TSHZ2: variants seen among roughly 807,000 people sequenced by gnomAD.
The protein encoded by TSHZ2 is teashirt homolog 2.
Under a neutral mutation model 74.4 loss-of-function variants are expected in TSHZ2, and 21 were observed. The observed-to-expected ratio is 0.28, with a 90% CI of 0.20 to 0.41. TSHZ2 has a LOEUF of 0.41. Among genes scored for constraint, TSHZ2 ranks in the 10% least tolerant of loss-of-function variants. The pLI is 1.00. For missense variants in TSHZ2, 1,244 were observed against 1,293.5 expected (o/e 0.96, Z 0.59); for synonymous variants, 540 against 515.3 (o/e 1.05, Z -0.65).
In TSHZ2 at chr20:53,151,261, C is replaced by T. The variant is rs141715766; in HGVS notation, c.41-102238C>T. On this transcript the variant is annotated intron_variant, in intron 1 of 2. Coordinates refer to ENST00000371497, the MANE Select transcript of TSHZ2 (RefSeq NM_173485.6). ...GTCCTATTATACTGGTGCCTATTCG[C>T]TGAGATGGATCAAGAATGGACTAAG... 6.6e-5 allele frequency among the ~76,000 whole-genome samples: 10 copies of T among 152,292 alleles called. No individual in the cohort carries two copies. The East Asian group carries it at 1.9e-3, about 29-fold the overall frequency.
chr20:53,120,179 T>C (rs1986771499), intron 1 of TSHZ2, among the ~76,000 whole-genome samples: 1 of 152,156 alleles, frequency 6.6e-6, no homozygotes, highest in Admixed American at 6.5e-5. Flanking sequence ...GGAATGAGCA[T>C]GAATATGAAT....
intron 1 of TSHZ2, among the ~76,000 whole-genome samples, chr20:53,141,182 G>A (rs1203361266): frequency 6.6e-6 from 1 of 152,196 alleles, no homozygotes; most frequent in African/African-American, 2.4e-5. Flanking sequence ...GGTGGATGGA[G>A]GACACCTATA....
chr20:53,288,193 C>T (rs1423815483), intron 2 of TSHZ2, among the ~76,000 whole-genome samples: 1 of 152,058 alleles, frequency 6.6e-6, no homozygotes, highest in African/African-American at 2.4e-5. Context: ...CACTTGAGGT[C>T]AGGAGTTCGA....
intron 1 of TSHZ2, among the ~76,000 whole-genome samples, chr20:53,221,700 T>C (rs115618025): frequency 0.015 from 2,250 of 152,266 alleles, 36 homozygotes; most frequent in Middle Eastern, 0.048. Context: ...TTGCTTTTTT[T>C]CCCCTCCTAA....
At chr20:53,472,876 G>T (rs568735002) in intron 2 of TSHZ2, among the ~76,000 whole-genome samples, 7 of 152,112 alleles carry the variant, frequency 4.6e-5, no homozygotes, top group East Asian at 1.9e-4. Context: ...TTCCCTTTCC[G>T]AGTCAAAGAA....
chr20:53,442,725 G>A (rs17522407), intron 2 of TSHZ2, among the ~76,000 whole-genome samples: 2,279 of 152,216 alleles, frequency 0.015, 26 homozygotes, highest in Non-Finnish European at 0.024. Context: ...GGATATTGCC[G>A]GCATTTAGGC....
At chr20:53,128,536 A>G (rs961879910) in intron 1 of TSHZ2, among the ~76,000 whole-genome samples, 6 of 152,214 alleles carry the variant, frequency 3.9e-5, no homozygotes, top group Non-Finnish European at 5.9e-5. Context: ...TAAACCACCA[A>G]GTACCATAAT....
At chr20:53,330,678 T>TA (rs1005281895) in intron 2 of TSHZ2, among the ~76,000 whole-genome samples, 16 of 151,814 alleles carry the variant, frequency 1.1e-4, no homozygotes, top group African/African-American at 3.9e-4. Context: ...ATCTTGACAC[T>TA]AAAAAAAGAA....
At chr20:53,086,135 A>G (rs1176648487) in intron 1 of TSHZ2, among the ~76,000 whole-genome samples, 2 of 152,154 alleles carry the variant, frequency 1.3e-5, no homozygotes, top group Admixed American at 1.3e-4. Flanking sequence ...AGGTTTCTTT[A>G]GTTGTAAGGA....
At chr20:53,065,442 G>C (rs1223533128) in intron 1 of TSHZ2, among the ~76,000 whole-genome samples, 1 of 152,292 alleles carries the variant, frequency 6.6e-6, no homozygotes, top group Non-Finnish European at 1.5e-5. Flanking sequence ...AGCATGAAAG[G>C]TTGTACAAGT....
At chr20:53,210,563 A>ATCTGCTTG (rs1425501933) in intron 1 of TSHZ2, among the ~76,000 whole-genome samples, 2 of 151,672 alleles carry the variant, frequency 1.3e-5, no homozygotes, top group Non-Finnish European at 2.9e-5. Flanking sequence ...TCCATCGTCC[A>ATCTGCTTG]TCTGCTTGTC....
At chr20:52,977,797 CAG>C (rs1006934874) in intron 1 of TSHZ2, among the ~76,000 whole-genome samples, 1 of 152,150 alleles carries the variant, frequency 6.6e-6, no homozygotes, top group Non-Finnish European at 1.5e-5. Flanking sequence ...TTACAAGTGA[CAG>C]AGAGTTTAGT....
intron 2 of TSHZ2, among the ~76,000 whole-genome samples, chr20:53,422,814 AT>A (rs994560782): frequency 6.6e-6 from 1 of 152,192 alleles, no homozygotes; most frequent in African/African-American, 2.4e-5. Context: ...GGATACACTG[AT>A]CTCCTTCAAT....
Position 53,493,497 on chromosome 20 carries a change from A to G in TSHZ2, c.*6362A>G, listed in dbSNP as rs976743720. 1 of 152,236 alleles carries G rather than the reference A, an allele frequency of 6.6e-6. No individual in the cohort carries two copies. Among genetic ancestry groups the G allele is most frequent in the Non-Finnish European group, 1.5e-5 (1 of 68,044 alleles). 9.4% of individuals were successfully genotyped at this position (152,236 alleles called of 1,614,324 possible). A position where few individuals can be genotyped will look rare whatever the true frequency, so the allele number is the denominator to read the frequency against. ...ATTTTTTTAATGTCTTCTTAGAAGA[A>G]GAATTCATAATTGTCAAAATTTGAA... is the stretch of plus-strand genomic sequence containing the variant. On this transcript the variant is annotated 3_prime_UTR_variant, in exon 3 of 3. Coordinates refer to ENST00000371497, the MANE Select transcript of TSHZ2 (RefSeq NM_173485.6).
chr20:53,157,847 A>G (rs977142360), intron 1 of TSHZ2, among the ~76,000 whole-genome samples: 1 of 152,098 alleles, frequency 6.6e-6, no homozygotes, highest in Non-Finnish European at 1.5e-5. Flanking sequence ...TTTCCTAGGC[A>G]TTTGGGGGTC....
Position 53,256,478 on chromosome 20 carries a change from A to G in TSHZ2, c.3020A>G (p.His1007Arg). The change falls in exon 2 of 3, where the codon CAT (histidine) becomes CGT (arginine). Residue 1007 changes from histidine to arginine, a missense_variant. Transcript: ENST00000371497. The surrounding 1 kb of genome is among the most constrained non-coding windows in gnomAD (Gnocchi z 4.3). ...KLCCRTFVSK[H>R]AVKLHLSKTH... is the part of the protein sequence containing the mutation. ...TGCTGTCGGACATTTGTGAGCAAACATGCGGTAAAACTCCACCTAAGCAAA... is the reference window on the plus strand; with the variant it reads ...TGCTGTCGGACATTTGTGAGCAAACGTGCGGTAAAACTCCACCTAAGCAAA... 1.2e-6 allele frequency: 2 copies of G among 1,614,038 alleles called. No individual in the cohort carries two copies. The highest frequency in any genetic ancestry group is 2.2e-5 in the East Asian group (1 of 44,876).
At position 53,487,626 on chromosome 20, in the gene TSHZ2, C is replaced by G. The variant is rs1239728345; in HGVS notation, c.*491C>G. ...TAATGTCCATTTCCTATTTATAACC[C>G]CTCTGGGAACGTTTGTCTAAAGGAA... is the stretch of plus-strand genomic sequence containing the variant. On this transcript the variant is annotated 3_prime_UTR_variant, in exon 3 of 3. Coordinates refer to ENST00000371497, the MANE Select transcript of TSHZ2 (RefSeq NM_173485.6). The G allele has an allele frequency of 6.6e-6, 1 of 152,084 alleles. No individual in the cohort carries two copies. The highest frequency in any genetic ancestry group is 1.5e-5 in the Non-Finnish European group (1 of 68,030). 9.4% of individuals were successfully genotyped at this position (152,084 alleles called of 1,614,324 possible).
At chr20:53,385,797 C>T (rs568683519) in intron 2 of TSHZ2, among the ~76,000 whole-genome samples, 21 of 152,098 alleles carry the variant, frequency 1.4e-4, no homozygotes, top group Admixed American at 1.4e-3. Flanking sequence ...CCAGGCCCTG[C>T]CTAAGGCAAG....
intron 1 of TSHZ2, among the ~76,000 whole-genome samples, chr20:53,054,780 G>A (rs1222641541): frequency 1.3e-5 from 2 of 152,078 alleles, no homozygotes; most frequent in Non-Finnish European, 2.9e-5. Context: ...TGGCATTGGA[G>A]TCACCCCAGG....
Sources: allele counts gnomAD v4.1 joint callset (sites outside exome capture counted in the v4.1 genomes callset), GRCh38; gene constraint gnomAD v4.1.1; non-coding constraint Gnocchi (gnomAD v3.1); transcripts MANE v1.5; gene names NCBI Gene and HGNC (gene_info 2026-07-23, HGNC 2026-07-21).